LYPD6: variants seen among roughly 807,000 people sequenced by gnomAD.
The protein encoded by LYPD6 is ly6/PLAUR domain-containing protein 6.
LYPD6 carries 15 observed loss-of-function variants against 22.7 expected under a neutral mutation model. The observed-to-expected ratio is 0.66, with a 90% CI of 0.44 to 1.02. The LOEUF (loss-of-function observed/expected upper bound fraction) is 1.02. LYPD6 is among the 50% of genes least tolerant of loss of function. The pLI is 0.00. For missense variants in LYPD6, 189 were observed against 208.4 expected (o/e 0.91, Z 0.57); for synonymous variants, 72 against 77.5 (o/e 0.93, Z 0.37).
chr2:149,394,071 G>A (rs531182253), intron 1 of LYPD6, among the ~76,000 whole-genome samples: 10 of 152,336 alleles, frequency 6.6e-5, no homozygotes, highest in Admixed American at 2.6e-4. Flanking sequence ...ACACTGTCAC[G>A]TTTCTAGCTG....
At chr2:149,357,753 C>G (rs1180892347) in intron 1 of LYPD6, among the ~76,000 whole-genome samples, 1 of 150,172 alleles carries the variant, frequency 6.7e-6, no homozygotes, top group Non-Finnish European at 1.5e-5. Flanking sequence ...CTCTCTAAAT[C>G]ATGAAATACA....
At chr2:149,465,290 G>T (rs1282907701) in intron 3 of LYPD6, among the ~76,000 whole-genome samples, 1 of 152,150 alleles carries the variant, frequency 6.6e-6, no homozygotes, top group Admixed American at 6.5e-5. Context: ...GGTCAGACAT[G>T]GGAAAAGGGC....
chr2:149,368,913 C>T (rs1284311524), intron 1 of LYPD6, among the ~76,000 whole-genome samples: 6 of 152,016 alleles, frequency 3.9e-5, no homozygotes, highest in Non-Finnish European at 8.8e-5. Flanking sequence ...TGGGGTGACT[C>T]GCCAGTCTAC....
At chr2:149,371,631 A>G (rs535442365) in intron 1 of LYPD6, among the ~76,000 whole-genome samples, 1 of 152,318 alleles carries the variant, frequency 6.6e-6, no homozygotes, top group South Asian at 2.1e-4. Context: ...AGTCACCAGC[A>G]TTTTTTGAGT....
At position 149,459,513 on chromosome 2, in the gene LYPD6, TCTC is replaced by T. The variant is rs1681039558; in HGVS notation, c.218-9131_218-9129del. ...ATGCAGTACAACAGAATGTCCTTCTTCTCTTGAGTTTTCTGAATTATGTTTGAC... is the reference window on the plus strand; with the variant it reads ...ATGCAGTACAACAGAATGTCCTTCTTTTGAGTTTTCTGAATTATGTTTGAC... On this transcript the variant is annotated intron_variant, in intron 3 of 4. Transcript: ENST00000334166. Among the ~76,000 whole-genome samples, 3 of 152,218 alleles carry T rather than the reference TCTC, an allele frequency of 2.0e-5. No individual in the cohort carries two copies. The South Asian group carries it at 6.2e-4, about 32-fold the overall frequency.
intron 1 of LYPD6, among the ~76,000 whole-genome samples, chr2:149,331,303 G>A (rs1056803127): frequency 5.3e-5 from 8 of 152,192 alleles, no homozygotes; most frequent in Non-Finnish European, 1.0e-4. Context: ...ACAGAGTTGG[G>A]ATTTGGCCTG....
intron 1 of LYPD6, among the ~76,000 whole-genome samples, chr2:149,345,386 A>G (rs1681235554): frequency 6.8e-6 from 1 of 147,612 alleles, no homozygotes; most frequent in African/African-American, 2.5e-5. Context: ...AGGTCACTGC[A>G]AGCTCTGCCT....
At chr2:149,365,599 C>G (rs992190943) in intron 1 of LYPD6, among the ~76,000 whole-genome samples, 3 of 152,060 alleles carry the variant, frequency 2.0e-5, no homozygotes, top group Non-Finnish European at 4.4e-5. Flanking sequence ...TACATATTTA[C>G]AGCTGTGTTT....
downstream of LYPD6, chr2:149,474,295 C>T (rs1347324144): frequency 6.6e-6 from 1 of 152,164 alleles, no homozygotes; most frequent in Non-Finnish European, 1.5e-5. Flanking sequence ...CTCCTGGGCT[C>T]AAGTGATATC....
intron 1 of LYPD6, among the ~76,000 whole-genome samples, chr2:149,392,790 C>G (rs1047145488): frequency 1.3e-5 from 2 of 152,118 alleles, no homozygotes; most frequent in African/African-American, 4.8e-5. Context: ...CTTTGGGAGG[C>G]TGAGGCGGCC....
At chr2:149,343,090 G>C (rs756004869) in intron 1 of LYPD6, among the ~76,000 whole-genome samples, 1 of 152,102 alleles carries the variant, frequency 6.6e-6, no homozygotes, top group Non-Finnish European at 1.5e-5. Context: ...TTTCAGCTAG[G>C]ACATGCAAAT....
intron 3 of LYPD6, among the ~76,000 whole-genome samples, chr2:149,463,507 A>G (rs1681132502): frequency 1.3e-5 from 2 of 152,210 alleles, no homozygotes; most frequent in African/African-American, 2.4e-5. Flanking sequence ...CAACTACCAC[A>G]TAACCCAGCA....
rs538456370 is a variant in LYPD6 at position 149,422,437 on chromosome 2, G to A, written c.-71-15201G>A. On this transcript the variant is annotated intron_variant, in intron 1 of 4. Transcript: ENST00000334166. ...GGGTAATGGGGCCTGGGGTCTCTCT[G>A]CTCTGGAGCCCAGCACTTCATGTCC... Among the ~76,000 whole-genome samples, 183 of 152,086 alleles carry A rather than the reference G, an allele frequency of 1.2e-3. 1 individual carries two copies. The highest frequency in any genetic ancestry group is 1.6e-3 in the Non-Finnish European group (109 of 68,026).
At chr2:149,404,208 C>T (rs61549947) in intron 1 of LYPD6, among the ~76,000 whole-genome samples, 41,889 of 151,970 alleles carry the variant, frequency 0.28, 6,832 homozygotes, top group African/African-American at 0.46. Context: ...ATTGACTTGG[C>T]GATGCGGGCT....
At chr2:149,433,242 G>C (rs1683356595) in intron 1 of LYPD6, among the ~76,000 whole-genome samples, 1 of 152,134 alleles carries the variant, frequency 6.6e-6, no homozygotes, top group Non-Finnish European at 1.5e-5. Flanking sequence ...TTGAAAACTT[G>C]TGCTAAAGAA....
At chr2:149,358,965 G>A (rs1380736160) in intron 1 of LYPD6, among the ~76,000 whole-genome samples, 1 of 152,130 alleles carries the variant, frequency 6.6e-6, no homozygotes, top group East Asian at 1.9e-4. Context: ...CCCCATTAAA[G>A]TACTATCTCA....
chr2:149,437,805 A>G lies in LYPD6; in HGVS notation c.97A>G (p.Ile33Val). Reference protein sequence around the residue: ...AQSRDFTVKDIIYLHPSTTPY... With the variant: ...AQSRDFTVKDVIYLHPSTTPY... ...GTCCCGAGACTTCACAGTGAAAGAC[A>G]TTATCTACCTCCATCCTTCAAGTAA... The change falls in exon 2 of 5, where the codon ATT becomes GTT. Residue 33 changes from isoleucine (I) to valine (V), a missense_variant. Transcript: ENST00000334166. The G allele has an allele frequency of 6.2e-7, 1 of 1,614,168 alleles. No individual in the cohort carries two copies. The highest frequency in any genetic ancestry group is 1.1e-5 in the South Asian group (1 of 91,090).
intron 1 of LYPD6, among the ~76,000 whole-genome samples, chr2:149,377,419 C>G (rs1681948171): frequency 2.0e-5 from 3 of 152,146 alleles, no homozygotes; most frequent in Admixed American, 6.5e-5. Context: ...AGGAGCACTT[C>G]TCCCAGATGT....
At chr2:149,485,802 A>G in the LYPD6 span, among the ~76,000 whole-genome samples, 30 of 152,312 alleles carry the variant, frequency 2.0e-4, no homozygotes, top group Admixed American at 1.8e-3. Context: ...GCCCCATTTG[A>G]AAGATGGGAA....
Sources: allele counts gnomAD v4.1 joint callset (sites outside exome capture counted in the v4.1 genomes callset), GRCh38; gene constraint gnomAD v4.1.1; transcripts MANE v1.5; gene names NCBI Gene and HGNC (gene_info 2026-07-23, HGNC 2026-07-21).